C4orf50: variants seen among roughly 807,000 people sequenced by gnomAD.
The protein encoded by C4orf50 is chromosome 4 open reading frame 50.
Under a neutral mutation model 77.2 loss-of-function variants are expected in C4orf50, and 80 were observed. The ratio of observed to expected loss-of-function variants is 1.04; its 90% CI spans 0.87 to 1.25. The LOEUF (loss-of-function observed/expected upper bound fraction) is 1.25. Ranked by LOEUF, C4orf50 falls within the 50% of genes most tolerant of loss-of-function variation. The pLI is 0.00. For synonymous variants in C4orf50, 532 were observed against 465.3 expected (o/e 1.14, Z -1.84); for missense variants, 1,257 against 1,152.9 (o/e 1.09, Z -1.31).
At chr4:5,988,416 T>G (rs1192650233) in exon 28 of C4orf50, 1 of 1,611,324 alleles carries the variant, frequency 6.2e-7, no homozygotes, top group African/African-American at 1.3e-5. Context: ...TCTTCTCCTC[T>G]TTCTCCAAAT....
chr4:5,964,780 AAAAAAAAAAAT>A (rs1719473336), intron 33 of C4orf50, among the ~76,000 whole-genome samples: 1 of 151,254 alleles, frequency 6.6e-6, no homozygotes, highest in South Asian at 2.1e-4. Flanking sequence ...AAAAAAAAAA[AAAAAAAAAAAT>A]GTCACCAGAC....
At chr4:5,921,413 G>A (rs185126848) in intron 7 of C4orf50, among the ~76,000 whole-genome samples, 137 of 152,320 alleles carry the variant, frequency 9.0e-4, no homozygotes, top group African/African-American at 3.1e-3. Context: ...ACACACATGC[G>A]TGTCTGCATA....
At chr4:5,898,568 G>A (rs1716221970) in intron 7 of C4orf50, 2 of 152,202 alleles carry the variant, frequency 1.3e-5, no homozygotes, top group Admixed American at 6.5e-5. Context: ...TCCTACTGCT[G>A]TTAGGTACAG....
At chr4:5,943,181 C>T (rs533536955) in intron 7 of C4orf50, among the ~76,000 whole-genome samples, 1 of 152,296 alleles carries the variant, frequency 6.6e-6, no homozygotes, top group East Asian at 1.9e-4. Flanking sequence ...GAAGCGGCAG[C>T]TGTTTCCGTG....
chr4:5,996,983 A>G (rs890171990), intron 25 of C4orf50, among the ~76,000 whole-genome samples: 1 of 152,244 alleles, frequency 6.6e-6, no homozygotes, highest in Admixed American at 6.5e-5. Context: ...GAGGGAAAAG[A>G]GAAAATGAGA....
At chr4:5,962,645 G>A (rs1444731183) in intron 33 of C4orf50, among the ~76,000 whole-genome samples, 1 of 152,230 alleles carries the variant, frequency 6.6e-6, no homozygotes, top group Non-Finnish European at 1.5e-5. Flanking sequence ...CCGGAGCCAG[G>A]TGCCCCTGGT....
At chr4:5,959,511 G>T in exon 34 of C4orf50, 2 of 1,614,192 alleles carry the variant, frequency 1.2e-6, no homozygotes, top group Non-Finnish European at 1.7e-6. Context: ...GACTTGGAGG[G>T]CAGGACAGGG....
intron 7 of C4orf50, among the ~76,000 whole-genome samples, chr4:5,933,680 G>A (rs116705719): frequency 0.028 from 4,289 of 152,306 alleles, 88 homozygotes; most frequent in South Asian, 0.063. Flanking sequence ...TTTTGACTAC[G>A]GTCGTGCCTC....
intron 28 of C4orf50, among the ~76,000 whole-genome samples, chr4:5,982,039 A>G (rs1006554228): frequency 1.1e-4 from 16 of 152,244 alleles, no homozygotes; most frequent in Non-Finnish European, 1.9e-4. Context: ...AAAATATACA[A>G]TAGCAGAAGA....
At chr4:5,902,347 T>C (rs1405695555) in intron 7 of C4orf50, 1 of 152,244 alleles carries the variant, frequency 6.6e-6, no homozygotes, top group East Asian at 1.9e-4. Context: ...TGGAAGAGTT[T>C]GCAGATCAGA....
rs1716355660 is a variant in C4orf50 at position 5,901,846 on chromosome 4, G to A, written c.*2475-3658C>T. 6.6e-6 allele frequency: 1 copy of A among 152,254 alleles called. No homozygotes were observed. The highest frequency in any genetic ancestry group is 1.5e-5 in the Non-Finnish European group (1 of 68,084). 9.4% of individuals were successfully genotyped at this position (152,254 alleles called of 1,614,324 possible). On this transcript the variant is annotated intron_variant, in intron 7 of 7. Transcript: ENST00000324058. This position sits in a 1 kb window ranked among gnomAD's most constrained non-coding sequence, Gnocchi z 4.4. ...TATTCTCTGGTACTGCCAGAGAAGT[G>A]GGTGAGGTCCAGATATGCAGGAATC...
intron 26 of C4orf50, among the ~76,000 whole-genome samples, chr4:5,993,590 G>A (rs1721411946): frequency 6.6e-6 from 1 of 152,162 alleles, no homozygotes; most frequent in African/African-American, 2.4e-5. Context: ...TCTGAGGTGG[G>A]CGGATCACAT....
intron 25 of C4orf50, among the ~76,000 whole-genome samples, chr4:5,997,188 C>T (rs902681412): frequency 4.6e-5 from 7 of 152,156 alleles, no homozygotes; most frequent in African/African-American, 7.2e-5. Flanking sequence ...CACTCCGTAG[C>T]GCAGAAGGTA....
chr4:5,988,121 G>C (rs559907709), intron 28 of C4orf50, among the ~76,000 whole-genome samples: 1 of 152,164 alleles, frequency 6.6e-6, no homozygotes, highest in African/African-American at 2.4e-5. Context: ...CAGAGATCCC[G>C]GGATCAGAGC....
intron 25 of C4orf50, among the ~76,000 whole-genome samples, chr4:5,995,195 G>C (rs774002696): frequency 3.3e-5 from 5 of 152,064 alleles, no homozygotes; most frequent in Non-Finnish European, 7.4e-5. Context: ...GAGTCACCCC[G>C]AACACAGCCC....
At chr4:5,897,754 G>A (rs1716184119) in exon 8 of C4orf50, 1 of 152,232 alleles carries the variant, frequency 6.6e-6, no homozygotes, top group African/African-American at 2.4e-5. Flanking sequence ...TGAAAACCCA[G>A]AGGGAGGGTT....
chr4:5,949,995 A>AG (rs1718649677), intron 7 of C4orf50, among the ~76,000 whole-genome samples: 1 of 151,926 alleles, frequency 6.6e-6, no homozygotes, highest in Non-Finnish European at 1.5e-5. Context: ...ATCTCAAAAA[A>AG]AAAAAAAAAA....
chr4:5,911,437 A>G (rs1430711594), intron 7 of C4orf50, among the ~76,000 whole-genome samples: 12 of 152,174 alleles, frequency 7.9e-5, no homozygotes, highest in African/African-American at 2.9e-4. Context: ...GTGTGAAGCC[A>G]GGGAGGGAAT....
chr4:5,996,418 C>G (rs1721590309), intron 25 of C4orf50, among the ~76,000 whole-genome samples: 1 of 152,170 alleles, frequency 6.6e-6, no homozygotes, highest in Non-Finnish European at 1.5e-5. Context: ...GAAAGAGAAA[C>G]CCCCGCCGGC....
Sources: gnomAD v4.1 joint callset for allele counts (sites outside exome capture counted in the v4.1 genomes callset) on GRCh38, gnomAD v4.1.1 for gene constraint, Gnocchi (gnomAD v3.1) non-coding constraint, MANE v1.5 for transcripts, NCBI Gene and HGNC (gene_info 2026-07-23, HGNC 2026-07-21) for gene names.